Variants in PPP5C observed in about 807,000 individuals in gnomAD.
PPP5C encodes serine/threonine-protein phosphatase 5.
Under a neutral mutation model 66.7 loss-of-function variants are expected in PPP5C, and 21 were observed. The observed-to-expected ratio is 0.31, with a 90% CI of 0.22 to 0.45. The LOEUF (loss-of-function observed/expected upper bound fraction) is 0.45. PPP5C is among the 20% of genes least tolerant of loss of function. PPP5C has a pLI of 1.00. For missense variants in PPP5C, 464 were observed against 675.9 expected (o/e 0.69, Z 3.48); for synonymous variants, 246 against 257.4 (o/e 0.96, Z 0.43).
In PPP5C at chr19:46,376,933, C is replaced by T. The variant is rs1972706722; in HGVS notation, c.633+359C>T. On this transcript the variant is annotated intron_variant, in intron 4 of 12. Transcript: ENST00000012443. The surrounding 1 kb of genome is among the most constrained non-coding windows in gnomAD (Gnocchi z 5.1). ...GTTGTTGCAGGTTGTTTGGGACCTGCTGGTTGCTCCTAGTCCTGAGACCAC... is the reference window on the plus strand; with the variant it reads ...GTTGTTGCAGGTTGTTTGGGACCTGTTGGTTGCTCCTAGTCCTGAGACCAC... Among the ~76,000 whole-genome samples the T allele has an allele frequency of 6.6e-6, 1 of 152,128 alleles. No homozygotes were observed. The highest frequency in any genetic ancestry group is 1.5e-5 in the Non-Finnish European group (1 of 68,014).
Position 46,383,051 on chromosome 19 carries a change from G to T in PPP5C, c.634-360G>T. The stretch of plus-strand genomic sequence containing the variant: ...CTAGAAAGTCTCACTTCTTTTTTGG[G>T]AGACTCTTTTATGACAGTGACATTG... On this transcript the variant is annotated intron_variant, in intron 4 of 12. Transcript: ENST00000012443. The surrounding 1 kb of genome is among the most constrained non-coding windows in gnomAD (Gnocchi z 5.0). 1.8e-6 allele frequency: 2 copies of T among 1,082,850 alleles called. No individual in the cohort carries two copies. The highest frequency in any genetic ancestry group is 2.3e-6 in the Non-Finnish European group (2 of 853,002). The allele number at this position is 1,082,850 out of a possible 1,614,324, so 67.1% of individuals were successfully genotyped here.
At chr19:46,356,094 C>A (rs898363617) in intron 2 of PPP5C, among the ~76,000 whole-genome samples, 1 of 152,222 alleles carries the variant, frequency 6.6e-6, no homozygotes, top group East Asian at 1.9e-4. Flanking sequence ...TTGGCTTCAG[C>A]CATCTTGTGG....
chr19:46,375,878 T>C (rs1242634410), intron 3 of PPP5C, 127 bp downstream of exon 3: 1 of 1,422,818 alleles, frequency 7.0e-7, no homozygotes, highest in Non-Finnish European at 9.3e-7. Flanking sequence ...TGTCTGTCGC[T>C]CCTCTGCCTG....
At position 46,387,346 on chromosome 19, in the gene PPP5C, G is replaced by A. The variant is rs199630268; in HGVS notation, c.1048-20G>A. On this transcript the variant is annotated intron_variant, in intron 8 of 12. Transcript: ENST00000012443. ...GGTGGGTGGCACCTTCCCTCACAGC[G>A]GCATCCCCCATCTCCCCAGATCATG... 4.5e-5 allele frequency: 72 copies of A among 1,606,738 alleles called. No individual in the cohort carries two copies. The highest frequency in any genetic ancestry group is 4.1e-4 in the African/African-American group (31 of 74,914).
chr19:46,376,080 A>T lies in PPP5C; in HGVS notation c.511+329A>T, dbSNP rs1326133500. ...GGGATTGTTGTGGATCATCCCACAG[A>T]TGATTATTGAGCATCTCCTATGTGC... On this transcript the variant is annotated intron_variant, in intron 3 of 12. Transcript: ENST00000012443. The surrounding 1 kb of genome is among the most constrained non-coding windows in gnomAD (Gnocchi z 5.1). 6.6e-6 allele frequency among the ~76,000 whole-genome samples: 1 copy of T among 152,118 alleles called. No individual in the cohort carries two copies. Among genetic ancestry groups the T allele is most frequent in the East Asian group, 1.9e-4 (1 of 5,178 alleles).
At position 46,390,402 on chromosome 19, in the gene PPP5C, G is replaced by A; in HGVS notation, c.*56G>A. ...GCCCCTCCAATCCCACCGGACCCAG[G>A]CCCTGGGCTAGGGGCAGAGCAGGCC... On this transcript the variant is annotated 3_prime_UTR_variant, in exon 13 of 13. Coordinates refer to ENST00000012443, the MANE Select transcript of PPP5C (RefSeq NM_006247.4). 6.4e-7 allele frequency: 1 copy of A among 1,550,694 alleles called. No homozygotes were observed. The highest frequency in any genetic ancestry group is 8.7e-7 in the Non-Finnish European group (1 of 1,147,028).
At chr19:46,349,733 G>A (rs2147357097) in intron 1 of PPP5C, among the ~76,000 whole-genome samples, 1 of 152,220 alleles carries the variant, frequency 6.6e-6, no homozygotes, top group Non-Finnish European at 1.5e-5. Context: ...TAGATTAGTG[G>A]ACAGGTGAGG....
chr19:46,350,688 G>A (rs1037897256), intron 1 of PPP5C, among the ~76,000 whole-genome samples: 2 of 152,162 alleles, frequency 1.3e-5, no homozygotes, highest in African/African-American at 4.8e-5. Context: ...AATCCTCCCC[G>A]GGGGCTGGGA....
Position 46,383,184 on chromosome 19 carries a change from G to C in PPP5C, c.634-227G>C, listed in dbSNP as rs112229741. 1.3e-6 allele frequency: 2 copies of C among 1,491,854 alleles called. No individual in the cohort carries two copies. The highest frequency in any genetic ancestry group is 4.2e-5 in the Admixed American group (2 of 47,596). The allele number at this position is 1,491,854 out of a possible 1,614,324, so 92.4% of individuals were successfully genotyped here. ...AAGATAATTCAAGAATCAGGTTTTC[G>C]TACAAAACAATCGCAATGCTTCGGC... On this transcript the variant is annotated intron_variant, in intron 4 of 12. Coordinates refer to ENST00000012443, the MANE Select transcript of PPP5C (RefSeq NM_006247.4). The surrounding 1 kb of genome is among the most constrained non-coding windows in gnomAD (Gnocchi z 5.0).
intron 1 of PPP5C, among the ~76,000 whole-genome samples, chr19:46,353,191 T>G (rs946913020): frequency 2.6e-5 from 4 of 152,198 alleles, no homozygotes; most frequent in African/African-American, 9.7e-5. Context: ...GACATGAGGA[T>G]TCCACAGGTC....
intron 2 of PPP5C, among the ~76,000 whole-genome samples, chr19:46,365,665 G>GACTTCCTTTAA (rs1356347505): frequency 2.0e-5 from 3 of 152,082 alleles, no homozygotes; most frequent in Admixed American, 2.0e-4. Flanking sequence ...CCTAATGGGA[G>GACTTCCTTTAA]GCCCTTTAAG....
At chr19:46,386,050 G>A (rs953650043) in intron 7 of PPP5C, among the ~76,000 whole-genome samples, 3 of 152,188 alleles carry the variant, frequency 2.0e-5, no homozygotes, top group Non-Finnish European at 4.4e-5. Flanking sequence ...GGGCCCTCTA[G>A]GGTTTTGGCC....
chr19:46,388,102 G>A lies in PPP5C; in HGVS notation c.1136-306G>A, dbSNP rs910944330. On this transcript the variant is annotated intron_variant, in intron 9 of 12. Coordinates refer to ENST00000012443, the MANE Select transcript of PPP5C (RefSeq NM_006247.4). The surrounding 1 kb of genome is among the most constrained non-coding windows in gnomAD (Gnocchi z 4.9). ...AGGAACTTTGTTCCTAGGGCAGTGC[G>A]GAGCCACCAAAGGCTTTGAGTGGGA... 1.3e-5 allele frequency: 5 copies of A among 383,176 alleles called. No homozygotes were observed. The highest frequency in any genetic ancestry group is 8.4e-5 in the East Asian group (2 of 23,702). 23.7% of individuals were successfully genotyped at this position (383,176 alleles called of 1,614,324 possible). A position where few individuals can be genotyped will look rare whatever the true frequency, so the allele number is the denominator to read the frequency against.
chr19:46,359,263 C>T (rs760786096), intron 2 of PPP5C, among the ~76,000 whole-genome samples: 1 of 151,972 alleles, frequency 6.6e-6, no homozygotes, highest in South Asian at 2.1e-4. Context: ...TATACAGCTG[C>T]GTCTCTGTGT....
At chr19:46,384,047 A>G (rs2147400225) in intron 6 of PPP5C, 169 bp downstream of exon 6, 2 of 626,784 alleles carry the variant, frequency 3.2e-6, no homozygotes, top group Admixed American at 2.9e-5. Context: ...CTGGCCATGC[A>G]CCCCAGGCTC....
chr19:46,386,279 G>C (rs1262468415), intron 7 of PPP5C, among the ~76,000 whole-genome samples: 1 of 152,228 alleles, frequency 6.6e-6, no homozygotes, highest in Non-Finnish European at 1.5e-5. Context: ...CACAGGGGAG[G>C]CCCTGCCCAT....
intron 2 of PPP5C, among the ~76,000 whole-genome samples, chr19:46,370,848 C>G (rs1268351329): frequency 6.6e-6 from 1 of 152,074 alleles, no homozygotes; most frequent in African/African-American, 2.4e-5. Context: ...TCATACCATT[C>G]TCCTGCTTCA....
intron 2 of PPP5C, among the ~76,000 whole-genome samples, chr19:46,359,564 T>C (rs1251800477): frequency 6.6e-6 from 1 of 152,168 alleles, no homozygotes; most frequent in African/African-American, 2.4e-5. Flanking sequence ...TGGTCAGGGC[T>C]AGAATCTAAA....
intron 2 of PPP5C, among the ~76,000 whole-genome samples, chr19:46,363,946 G>A (rs1271420398): frequency 6.6e-6 from 1 of 152,064 alleles, no homozygotes; most frequent in Non-Finnish European, 1.5e-5. Flanking sequence ...ACAATGCTTG[G>A]GGCTCCATGA....
Sources: allele counts gnomAD v4.1 joint callset (sites outside exome capture counted in the v4.1 genomes callset), GRCh38; gene constraint gnomAD v4.1.1; non-coding constraint Gnocchi (gnomAD v3.1); transcripts MANE v1.5; gene names NCBI Gene and HGNC (gene_info 2026-07-23, HGNC 2026-07-21).